Variants in GPR139 observed in about 807,000 individuals in gnomAD.
The protein encoded by GPR139 is probable G protein-coupled receptor 139.
GPR139 carries 12 observed loss-of-function variants against 25.8 expected under a neutral mutation model. That is an observed-to-expected ratio of 0.47 (90% CI 0.30 to 0.75). The LOEUF (loss-of-function observed/expected upper bound fraction) is 0.75. GPR139 is among the 30% of genes least tolerant of loss of function. The pLI, the probability that GPR139 is intolerant of heterozygous loss-of-function variation, is 0.07. For missense variants in GPR139, 380 were observed against 450.2 expected (o/e 0.84, Z 1.41); for synonymous variants, 184 against 179.9 (o/e 1.02, Z -0.18).
At chr16:20,072,793 G>T (rs948009116) in intron 1 of GPR139, among the ~76,000 whole-genome samples, 4 of 152,186 alleles carry the variant, frequency 2.6e-5, no homozygotes, top group East Asian at 1.9e-4. Context: ...AAGCCAGGGG[G>T]CCAGGCATGT....
At chr16:20,034,284 A>C (rs1474054035) in intron 1 of GPR139, among the ~76,000 whole-genome samples, 1 of 152,148 alleles carries the variant, frequency 6.6e-6, no homozygotes. Flanking sequence ...ACAATAGTTC[A>C]CATGTAAAAA....
intron 1 of GPR139, among the ~76,000 whole-genome samples, chr16:20,048,823 C>G (rs373862131): frequency 1.3e-5 from 2 of 152,156 alleles, no homozygotes; most frequent in African/African-American, 4.8e-5. Context: ...AGGTACCTCC[C>G]GCACCATCAG....
rs1313754000 is a variant in GPR139 at position 20,032,521 on chromosome 16, C to A, written c.276G>T (p.Leu92Phe). 6.2e-7 allele frequency: 1 copy of A among 1,614,108 alleles called. No homozygotes were observed. Among genetic ancestry groups the A allele is most frequent in the Admixed American group, 1.7e-5 (1 of 60,018 alleles). Residue 92 changes from leucine to phenylalanine, a missense_variant, in exon 2 of 2, where the codon TTG (leucine) becomes TTT (phenylalanine). Leu to Phe is a conservative substitution (Grantham distance 22). Coordinates refer to ENST00000570682, the MANE Select transcript of GPR139 (RefSeq NM_001002911.4). ...CGGGGACCTGAGGCATCTGCATGTT[C>A]AAGATGAAATCTTCCAACAGGAAGT... ...FVDFLLEDFI[L>F]NMQMPQVPDK...
At chr16:20,069,923 G>C (rs538096187) in intron 1 of GPR139, among the ~76,000 whole-genome samples, 1 of 152,054 alleles carries the variant, frequency 6.6e-6, no homozygotes, top group Non-Finnish European at 1.5e-5. Context: ...TGTGTGTCTC[G>C]AGAAGTGAGA....
chr16:20,036,889 G>C (rs1009920254), intron 1 of GPR139, among the ~76,000 whole-genome samples: 2 of 152,278 alleles, frequency 1.3e-5, no homozygotes, highest in African/African-American at 4.8e-5. Context: ...TTGACTGAGA[G>C]TCCATTCATG....
chr16:20,062,943 G>C (rs1596471108), intron 1 of GPR139, among the ~76,000 whole-genome samples: 1 of 152,250 alleles, frequency 6.6e-6, no homozygotes, highest in East Asian at 1.9e-4. Flanking sequence ...ATTTTCATCG[G>C]AAGTCTCTGA....
intron 1 of GPR139, among the ~76,000 whole-genome samples, chr16:20,034,555 G>T (rs1485972661): frequency 6.6e-6 from 1 of 152,064 alleles, no homozygotes. Context: ...CAGAGACCCG[G>T]TCTTGCTATG....
chr16:20,032,315 A>G lies in GPR139; in HGVS notation c.482T>C (p.Ile161Thr). The change falls in exon 2 of 2, where the codon ATC becomes ACC. Residue 161 changes from isoleucine to threonine, a missense_variant. Ile to Thr is a moderately conservative substitution (Grantham distance 89). Transcript: ENST00000570682. The part of the protein sequence containing the change: ...SVYITCFLTS[I>T]PYYWWPNIWT... ...GATGTTGGGCCACCAGTAATAGGGG[A>G]TGCTGGTCAGGAAGCAGGTGATGTA... 6.2e-7 allele frequency: 1 copy of G among 1,614,174 alleles called. No individual in the cohort carries two copies. Among genetic ancestry groups the G allele is most frequent in the Non-Finnish European group, 8.5e-7 (1 of 1,180,018 alleles).
intron 1 of GPR139, among the ~76,000 whole-genome samples, chr16:20,042,469 A>G (rs2057339700): frequency 6.6e-6 from 1 of 152,110 alleles, no homozygotes; most frequent in African/African-American, 2.4e-5. Context: ...CTCTACCCTA[A>G]GCCCTCTAGT....
intron 1 of GPR139, among the ~76,000 whole-genome samples, chr16:20,072,260 T>C (rs2057462242): frequency 6.6e-6 from 1 of 152,166 alleles, no homozygotes; most frequent in African/African-American, 2.4e-5. Context: ...CGCTTTCTCA[T>C]GCCTGCCAAA....
intron 1 of GPR139, among the ~76,000 whole-genome samples, chr16:20,043,155 G>C (rs895457537): frequency 6.6e-6 from 1 of 152,236 alleles, no homozygotes; most frequent in African/African-American, 2.4e-5. Flanking sequence ...CAGGGCAATG[G>C]AGAAAGGTGA....
At chr16:20,052,310 C>A (rs537299843) in intron 1 of GPR139, among the ~76,000 whole-genome samples, 2 of 152,204 alleles carry the variant, frequency 1.3e-5, no homozygotes, top group Non-Finnish European at 2.9e-5. Flanking sequence ...CCTTTTTCCT[C>A]TGCGATACCG....
At chr16:20,058,981 C>T (rs2057401122) in intron 1 of GPR139, among the ~76,000 whole-genome samples, 2 of 152,130 alleles carry the variant, frequency 1.3e-5, no homozygotes, top group South Asian at 2.1e-4. Flanking sequence ...TTATCCTGCT[C>T]ATTTCTCTGG....
chr16:20,038,826 T>C lies in GPR139; in HGVS notation c.128-6157A>G, dbSNP rs550049268. Among the ~76,000 whole-genome samples, 16 of 152,346 alleles carry C rather than the reference T, an allele frequency of 1.1e-4. No homozygotes were observed. In the South Asian group the frequency reaches 3.3e-3, roughly 32 times the overall value. ...GCTATAACTCCCCATATTTAAAATT[T>C]CTTTCATTTCCACAGTGGCACATTT... On this transcript the variant is annotated intron_variant, in intron 1 of 1. Coordinates refer to ENST00000570682, the MANE Select transcript of GPR139 (RefSeq NM_001002911.4).
intron 1 of GPR139, among the ~76,000 whole-genome samples, chr16:20,061,126 G>T (rs564084285): frequency 4.9e-4 from 74 of 151,996 alleles, no homozygotes; most frequent in African/African-American, 1.7e-3. Context: ...GGTCTTTTTT[G>T]GTTCACCACG....
Position 20,031,685 on chromosome 16 carries a change from C to G in GPR139, c.*50G>C. On this transcript the variant is annotated 3_prime_UTR_variant, in exon 2 of 2. Transcript: ENST00000570682. ...GCTCAGCCATAGGATGGGACACCTT[C>G]CCATCTGGAAATGGATTAGACAGAG... The G allele has an allele frequency of 6.9e-7, 1 of 1,451,800 alleles. No individual in the cohort carries two copies. Among genetic ancestry groups the G allele is most frequent in the Non-Finnish European group, 9.6e-7 (1 of 1,041,410 alleles). The allele number at this position is 1,451,800 out of a possible 1,614,324, so 89.9% of individuals were successfully genotyped here. A position where few individuals can be genotyped will look rare whatever the true frequency, so the allele number is the denominator to read the frequency against.
In GPR139 at chr16:20,036,869, A is replaced by G. The variant is rs1195327974; in HGVS notation, c.128-4200T>C. On this transcript the variant is annotated intron_variant, in intron 1 of 1. Coordinates refer to ENST00000570682, the MANE Select transcript of GPR139 (RefSeq NM_001002911.4). ...CTGGCACGTGAGAAGTGTGGAATGG[A>G]TGGTAGCTATTGACTGAGAGTCCAT... is the stretch of plus-strand genomic sequence containing the variant. Among the ~76,000 whole-genome samples, 6 of 152,312 alleles carry G rather than the reference A, an allele frequency of 3.9e-5. 1 individual carries two copies. In the Middle Eastern group the frequency reaches 0.014, roughly 345 times the overall value.
At chr16:20,051,747 G>A (rs2057373069) in intron 1 of GPR139, among the ~76,000 whole-genome samples, 1 of 152,314 alleles carries the variant, frequency 6.6e-6, no homozygotes, top group Non-Finnish European at 1.5e-5. Flanking sequence ...ACCTGCTCCA[G>A]CTGAGTTCAG....
At chr16:20,051,355 G>A (rs1239552298) in intron 1 of GPR139, among the ~76,000 whole-genome samples, 6 of 152,186 alleles carry the variant, frequency 3.9e-5, no homozygotes, top group Non-Finnish European at 7.3e-5. Flanking sequence ...GGGTGTCCAA[G>A]AACATTAGAA....
Sources: gnomAD v4.1 joint callset for allele counts (sites outside exome capture counted in the v4.1 genomes callset) on GRCh38, gnomAD v4.1.1 for gene constraint, MANE v1.5 for transcripts, NCBI Gene and HGNC (gene_info 2026-07-23, HGNC 2026-07-21) for gene names.